Variants in RIF1 observed in about 807,000 individuals in gnomAD.
RIF1 encodes the protein replication timing regulatory factor 1.
In RIF1, 45 loss-of-function variants were observed where a neutral mutation model predicts 247.1. The ratio of observed to expected loss-of-function variants is 0.18; its 90% CI spans 0.14 to 0.23. RIF1 has a LOEUF of 0.23. RIF1 is among the 10% of genes least tolerant of loss of function. The probability of loss-of-function intolerance (pLI) is 1.00; values close to 1 mark genes in which losing one functional copy is unlikely to be tolerated. For missense variants in RIF1, 2,967 were observed against 2,862.5 expected (o/e 1.04, Z -0.83); for synonymous variants, 1,087 against 978.8 (o/e 1.11, Z -2.06).
rs2048900797 is a variant in RIF1, at chr2:151,475,815, G to A, written c.*744G>A. The A allele has an allele frequency of 6.6e-6, 1 of 152,490 alleles. No homozygotes were observed. The highest frequency in any genetic ancestry group is 1.5e-5 in the Non-Finnish European group (1 of 67,994). The allele number at this position is 152,490 out of a possible 1,614,324, so 9.4% of individuals were successfully genotyped here. A position where few individuals can be genotyped will look rare whatever the true frequency, so the allele number is the denominator to read the frequency against. ...TTTTAATTTATAAATTTCATTCTTT[G>A]TTAATTGCATGGGTTTTTCTGCAGC... On this transcript the variant is annotated 3_prime_UTR_variant, in exon 36 of 36. Coordinates refer to ENST00000444746, the MANE Select transcript of RIF1 (RefSeq NM_018151.5).
intron 9 of RIF1, among the ~76,000 whole-genome samples, chr2:151,429,889 CTG>C (rs1689763632): frequency 6.6e-6 from 1 of 152,184 alleles, no homozygotes; most frequent in Non-Finnish European, 1.5e-5. Flanking sequence ...TTAATTAACA[CTG>C]TATGTTTACA....
Position 151,455,042 on chromosome 2 carries a change from G to A in RIF1, c.2492G>A (p.Gly831Asp). 6.2e-7 allele frequency: 1 copy of A among 1,613,796 alleles called. No individual in the cohort carries two copies. The highest frequency in any genetic ancestry group is 1.1e-5 in the South Asian group (1 of 91,062). Residue 831 changes from glycine (G) to aspartate (D), a missense_variant, in exon 22 of 36, where the codon GGC becomes GAC. Physicochemically the swap from Gly to Asp is moderately conservative, Grantham distance 94. Transcript: ENST00000444746. ...CATTCTGATACCCTCTTCACTATTGGCAACTCAATCACCGGCATTATTTCC... is the reference window on the plus strand; with the variant it reads ...CATTCTGATACCCTCTTCACTATTGACAACTCAATCACCGGCATTATTTCC... The part of the protein sequence containing the change: ...EAHSDTLFTI[G>D]NSITGIISSV...
the RIF1 span, chr2:151,514,275 G>C: frequency 5.2e-6 from 7 of 1,347,266 alleles, no homozygotes; most frequent in Non-Finnish European, 7.4e-6. Flanking sequence ...ACAAAGAAAT[G>C]ATGCTGTATG....
the RIF1 span, chr2:151,525,398 A>G: frequency 4.4e-6 from 3 of 674,368 alleles, no homozygotes; most frequent in African/African-American, 3.6e-5. Context: ...TGGGACTTAG[A>G]TAAGACCCAT....
rs1686161111 is a variant in RIF1, at chr2:151,411,292, T to C, written c.137T>C (p.Ile46Thr). ...RMTGEEGKEV[I>T]TEIEKKLPRL... ...ACTGGAGAAGAAGGAAAAGAAGTAA[T>C]TACAGAAATTGAGAAAAAACTTCCT... Residue 46 changes from isoleucine to threonine, a missense_variant, in exon 3 of 36, where the codon ATT becomes ACT. Coordinates refer to ENST00000444746, the MANE Select transcript of RIF1 (RefSeq NM_018151.5). The C allele has an allele frequency of 6.2e-7, 1 of 1,605,834 alleles. No individual in the cohort carries two copies. Among genetic ancestry groups the C allele is most frequent in the Non-Finnish European group, 8.5e-7 (1 of 1,174,548 alleles).
chr2:151,447,569 A>G (rs1015760864), intron 20 of RIF1, among the ~76,000 whole-genome samples: 10 of 152,034 alleles, frequency 6.6e-5, no homozygotes, highest in African/African-American at 2.4e-4. Context: ...TTTTTGAGAC[A>G]GAGTCTCACT....
chr2:151,493,786 T>C (rs202149495), intron 9 of RIF1: 1 of 1,576,634 alleles, frequency 6.3e-7, no homozygotes, highest in Non-Finnish European at 8.6e-7. Context: ...GAGCTAAAGT[T>C]TTCTTGATTG....
Position 151,460,113 on chromosome 2 carries a change from A to C in RIF1, c.3069A>C (p.Ala1023=). The part of the protein sequence containing the change: ...TKNKKENMKP[A]AKLKLESSSL... ...ATAAAAAAGAAAATATGAAACCAGC[A>C]GCCAAAGTATGTTTTCAAAAGTTTA... Residue 1023 remains alanine (A), a synonymous_variant, in exon 26 of 36, where the codon GCA becomes GCC. Coordinates refer to ENST00000444746, the MANE Select transcript of RIF1 (RefSeq NM_018151.5). The C allele has an allele frequency of 6.5e-7, 1 of 1,544,074 alleles. No homozygotes were observed. Among genetic ancestry groups the C allele is most frequent in the Middle Eastern group, 1.7e-4 (1 of 5,784 alleles).
At chr2:151,531,879 G>T in the RIF1 span, 2 of 1,586,068 alleles carry the variant, frequency 1.3e-6, no homozygotes, top group South Asian at 1.1e-5. Flanking sequence ...ATTTTTCATA[G>T]TTTTTCCTGT....
the RIF1 span, among the ~76,000 whole-genome samples, chr2:151,522,246 A>T: frequency 1.3e-5 from 2 of 152,332 alleles, no homozygotes; most frequent in Admixed American, 1.3e-4. Context: ...GGTGCTTCTA[A>T]AGACTGAAGA....
At chr2:151,451,536 A>G in intron 20 of RIF1, 70 bp from the exon 21 acceptor site, 2 of 784,366 alleles carry the variant, frequency 2.5e-6, no homozygotes, top group African/African-American at 1.7e-5. Flanking sequence ...ATATTTTTTC[A>G]TGTTGCTTAC....
chr2:151,443,241 C>T lies in RIF1; in HGVS notation c.1735-18C>T. 3.4e-6 allele frequency: 5 copies of T among 1,468,456 alleles called. No individual in the cohort carries two copies. The highest frequency in any genetic ancestry group is 4.7e-6 in the Non-Finnish European group (5 of 1,058,624). The allele number at this position is 1,468,456 out of a possible 1,614,324, so 91.0% of individuals were successfully genotyped here. A position where few individuals can be genotyped will look rare whatever the true frequency, so the allele number is the denominator to read the frequency against. On this transcript the variant is annotated intron_variant, in intron 16 of 35. Coordinates refer to ENST00000444746, the MANE Select transcript of RIF1 (RefSeq NM_018151.5). ...TATTCTTTGTAACTGAGAAGATTGA[C>T]TTCATTTTCTCCTTCAGGGAACTCC...
rs769950178 is a variant in RIF1, at chr2:151,441,974, A to C, written c.1717A>C (p.Asn573His). Reference sequence around the variant, plus strand: ...AGGTTCACCAGCATATCAGGTTGCTAATATGGATATTCTTAATGCAAGTAT... The same window carrying C: ...AGGTTCACCAGCATATCAGGTTGCTCATATGGATATTCTTAATGCAAGTAT... ...VLGSPAYQVA[N>H]MDILNGTPAL... The change falls in exon 16 of 36, where the codon AAT becomes CAT. Residue 573 changes from asparagine to histidine, a missense_variant. This residue lies in a region of RIF1 where 369 missense variants were observed against 322.0 expected (regional missense o/e 1.15). Coordinates refer to ENST00000444746, the MANE Select transcript of RIF1 (RefSeq NM_018151.5). The C allele has an allele frequency of 6.6e-7, 1 of 1,521,604 alleles. No homozygotes were observed. The highest frequency in any genetic ancestry group is 2.4e-5 in the East Asian group (1 of 41,538). The allele number at this position is 1,521,604 out of a possible 1,614,324, so 94.3% of individuals were successfully genotyped here.
chr2:151,433,484 T>C (rs921323228), intron 10 of RIF1, among the ~76,000 whole-genome samples: 1 of 152,182 alleles, frequency 6.6e-6, no homozygotes, highest in African/African-American at 2.4e-5. Context: ...AGATGGAGTC[T>C]TGTTCTGTTT....
At chr2:151,424,368 G>A (rs534564015) in intron 8 of RIF1, among the ~76,000 whole-genome samples, 1 of 152,244 alleles carries the variant, frequency 6.6e-6, no homozygotes, top group South Asian at 2.1e-4. Context: ...TCCCAAAGTG[G>A]TGGGATTATA....
At chr2:151,469,540 C>G (rs778841035) in intron 33 of RIF1, among the ~76,000 whole-genome samples, 171 bp from the exon 34 acceptor site, 5 of 152,134 alleles carry the variant, frequency 3.3e-5, no homozygotes, top group African/African-American at 7.2e-5. Context: ...ACCAGACATA[C>G]ACATCAGATT....
the RIF1 span, chr2:151,534,233 T>C: frequency 1.2e-6 from 2 of 1,613,426 alleles, no homozygotes; most frequent in African/African-American, 1.3e-5. Context: ...TCTGGTCGCC[T>C]GCGGTCTTAG....
chr2:151,420,478 C>G, intron 7 of RIF1, 99 bp downstream of exon 7: 1 of 1,132,056 alleles, frequency 8.8e-7, no homozygotes, highest in Non-Finnish European at 1.3e-6. Context: ...GTGGCTCTCA[C>G]CTGTAGTCCC....
At position 151,465,826 on chromosome 2, in the gene RIF1, A is replaced by C. The variant is rs371505736; in HGVS notation, c.6306A>C (p.Gln2102His). The C allele has an allele frequency of 1.7e-5, 27 of 1,613,232 alleles. No homozygotes were observed. The highest frequency in any genetic ancestry group is 1.6e-4 in the South Asian group (15 of 91,064). Residue 2102 changes from glutamine (Q) to histidine (H), a missense_variant, in exon 30 of 36, where the codon CAA (glutamine) becomes CAC (histidine). Transcript: ENST00000444746. ...SKSEEKLDNN[Q>H]MVMESDILQE... ...CTGAAGAAAAATTAGATAACAATCA[A>C]ATGGTAATGGAAAGTGATATTTTAC...
Sources: gnomAD v4.1 joint callset for allele counts (sites outside exome capture counted in the v4.1 genomes callset) on GRCh38, gnomAD v4.1.1 for gene constraint, gnomAD v4.1.1 regional missense constraint, MANE v1.5 for transcripts, NCBI Gene and HGNC (gene_info 2026-07-23, HGNC 2026-07-21) for gene names.